STAB2: variants seen among roughly 807,000 people sequenced by gnomAD.
STAB2 encodes the protein stabilin-2.
In STAB2, 288 loss-of-function variants were observed where a neutral mutation model predicts 338.1. The ratio of observed to expected loss-of-function variants is 0.85; its 90% CI spans 0.77 to 0.94. The LOEUF (loss-of-function observed/expected upper bound fraction) is 0.94, where lower values mean the gene tolerates loss of function less well. STAB2 is among the 40% of genes least tolerant of loss of function. The probability of loss-of-function intolerance (pLI) is 0.00; values close to 1 mark genes in which losing one functional copy is unlikely to be tolerated. For missense variants in STAB2, 3,141 were observed against 3,210.1 expected, an observed-to-expected ratio of 0.98 and a Z score of 0.52; for synonymous variants, 1,202 against 1,193.3, an observed-to-expected ratio of 1.01 and a Z score of -0.15.
intron 53 of STAB2, among the ~76,000 whole-genome samples, chr12:103,738,790 T>C (rs1353795773): frequency 6.6e-6 from 1 of 152,240 alleles, no homozygotes; most frequent in Non-Finnish European, 1.5e-5. Context: ...TAACTTAAAA[T>C]GGAACTAACA....
chr12:103,632,837 G>A (rs1957485056), intron 6 of STAB2, among the ~76,000 whole-genome samples: 1 of 152,248 alleles, frequency 6.6e-6, no homozygotes, highest in African/African-American at 2.4e-5. Context: ...CAGGATGGCA[G>A]AGCCGGGGAG....
chr12:103,733,591 A>G (rs769176159), intron 51 of STAB2, among the ~76,000 whole-genome samples: 6 of 152,198 alleles, frequency 3.9e-5, no homozygotes, highest in African/African-American at 1.2e-4. Context: ...GCTTCAATCA[A>G]TTGTGGCCCC....
intron 59 of STAB2, among the ~76,000 whole-genome samples, chr12:103,749,841 C>CAAAAAAAG (rs1883452363): frequency 2.0e-5 from 1 of 51,132 alleles, no homozygotes; most frequent in Admixed American, 3.3e-4. Context: ...CTCTGTCTCA[C>CAAAAAAAG]AAAAAAAAAA....
Position 103,683,171 on chromosome 12 carries a change from A to G in STAB2, c.2806-34A>G, listed in dbSNP as rs369633982. On this transcript the variant is annotated intron_variant, in intron 25 of 68. Transcript: ENST00000388887. ...AAAGACATGGAAGGCACTTGCTTTC[A>G]ATAATCCACTTGACTCTGTTCTTAA... The G allele has an allele frequency of 4.4e-6, 7 of 1,593,268 alleles. No individual in the cohort carries two copies. In the African/African-American group the frequency reaches 8.1e-5, roughly 18 times the overall value.
At chr12:103,593,659 C>T (rs977790657) in intron 2 of STAB2, among the ~76,000 whole-genome samples, 1 of 152,144 alleles carries the variant, frequency 6.6e-6, no homozygotes, top group African/African-American at 2.4e-5. Flanking sequence ...TTTGAGAGGA[C>T]AACCTTGAAT....
At chr12:103,681,474 C>T (rs1876892400) in intron 25 of STAB2, among the ~76,000 whole-genome samples, 1 of 152,070 alleles carries the variant, frequency 6.6e-6, no homozygotes, top group African/African-American at 2.4e-5. Context: ...GAAGCTGTTC[C>T]ATGCCTCTCT....
At chr12:103,723,667 C>A (rs951910666) in intron 44 of STAB2, among the ~76,000 whole-genome samples, 2 of 152,150 alleles carry the variant, frequency 1.3e-5, no homozygotes, top group African/African-American at 4.8e-5. Context: ...GCCCGGCAGA[C>A]CCAGAGAAGT....
At position 103,758,250 on chromosome 12, in the gene STAB2, C is replaced by T; in HGVS notation, c.7068C>T (p.Thr2356=). ...TGACTGACCTGTCCATCCGCGGCACCCTCTTTGTGCCACAGAACAGTGGGC... is the reference window on the plus strand; with the variant it reads ...TGACTGACCTGTCCATCCGCGGCACTCTCTTTGTGCCACAGAACAGTGGGC... ...EHLTDLSIRG[T]LFVPQNSGLG... The change falls in exon 64 of 69, where the codon ACC becomes ACT. Residue 2356 remains threonine, a synonymous_variant. Coordinates refer to ENST00000388887, the MANE Select transcript of STAB2 (RefSeq NM_017564.10). 1 of 1,614,054 alleles carries T rather than the reference C, an allele frequency of 6.2e-7. No homozygotes were observed. Among genetic ancestry groups the T allele is most frequent in the African/African-American group, 1.3e-5 (1 of 75,052 alleles).
At chr12:103,647,659 G>A (rs1416993498) in intron 9 of STAB2, among the ~76,000 whole-genome samples, 3 of 152,330 alleles carry the variant, frequency 2.0e-5, no homozygotes, top group African/African-American at 2.4e-5. Context: ...AAGAGGGTTA[G>A]CATCATCTTA....
At chr12:103,673,621 T>C (rs1388580087) in intron 22 of STAB2, among the ~76,000 whole-genome samples, 1 of 152,166 alleles carries the variant, frequency 6.6e-6, no homozygotes, top group Admixed American at 6.5e-5. Flanking sequence ...TGTGCTGGGA[T>C]TACAGGCATG....
chr12:103,750,452 C>G, intron 59 of STAB2, 127 bp from the exon 60 acceptor site: 1 of 1,201,148 alleles, frequency 8.3e-7, no homozygotes, highest in Non-Finnish European at 1.2e-6. Flanking sequence ...TCCCACTGGA[C>G]AGGAAAGGCA....
chr12:103,607,255 C>A (rs532610792), intron 3 of STAB2, among the ~76,000 whole-genome samples: 2 of 151,840 alleles, frequency 1.3e-5, no homozygotes, highest in Non-Finnish European at 2.9e-5. Context: ...TTTCTCCCTT[C>A]CTCCTTTTCA....
intron 10 of STAB2, 150 bp from the exon 11 acceptor site, chr12:103,650,346 C>T (rs921794611): frequency 3.0e-5 from 17 of 559,466 alleles, no homozygotes; most frequent in Non-Finnish European, 4.9e-5. Flanking sequence ...AGAGAGATTC[C>T]CAGTTGACAC....
At chr12:103,630,472 A>G (rs1377487343) in intron 5 of STAB2, among the ~76,000 whole-genome samples, 2 of 152,224 alleles carry the variant, frequency 1.3e-5, no homozygotes, top group African/African-American at 4.8e-5. Flanking sequence ...AGCCCCCAAA[A>G]TGTCCTAATC....
intron 1 of STAB2, 81 bp downstream of exon 1, chr12:103,587,638 T>C: frequency 8.5e-7 from 1 of 1,177,974 alleles, no homozygotes; most frequent in Non-Finnish European, 1.2e-6. Context: ...TCTGTTGTTA[T>C]GGGTAAAGGG....
At chr12:103,758,314 G>A in intron 64 of STAB2, 25 bp downstream of exon 64, 1 of 1,610,700 alleles carries the variant, frequency 6.2e-7, no homozygotes, top group African/African-American at 1.3e-5. Flanking sequence ...TGGTGCCTTT[G>A]CTTTAGACTA....
At position 103,705,558 on chromosome 12, in the gene STAB2, C is replaced by T. The variant is rs187090826; in HGVS notation, c.3901-74C>T. ...AGTCAGAGAGACAGCAATGCATCACCCACCTACTTGCTTTCGGAGACTGGA... is the reference window on the plus strand; with the variant it reads ...AGTCAGAGAGACAGCAATGCATCACTCACCTACTTGCTTTCGGAGACTGGA... On this transcript the variant is annotated intron_variant, in intron 36 of 68. Coordinates refer to ENST00000388887, the MANE Select transcript of STAB2 (RefSeq NM_017564.10). The T allele has an allele frequency of 2.5e-5, 31 of 1,252,092 alleles. No individual in the cohort carries two copies. The East Asian group carries it at 7.2e-4, about 29-fold the overall frequency. 77.6% of individuals were successfully genotyped at this position (1,252,092 alleles called of 1,614,324 possible).
chr12:103,742,392 T>G lies in STAB2; in HGVS notation c.5882-13T>G. ...GGGAGACTGTTGAGTCACTGCTGTTTCATCTCTTCCAGCCTGCCCTGGAGG... is the reference window on the plus strand; with the variant it reads ...GGGAGACTGTTGAGTCACTGCTGTTGCATCTCTTCCAGCCTGCCCTGGAGG... On this transcript the variant is annotated splice_polypyrimidine_tract_variant and intron_variant, in intron 55 of 68. Transcript: ENST00000388887. The G allele has an allele frequency of 2.5e-6, 4 of 1,613,670 alleles. No individual in the cohort carries two copies. Among genetic ancestry groups the G allele is most frequent in the Non-Finnish European group, 3.4e-6 (4 of 1,179,746 alleles).
In STAB2 at chr12:103,636,164, A is replaced by C. The variant is rs1403107021; in HGVS notation, c.584-947A>C. On this transcript the variant is annotated intron_variant, in intron 6 of 68. Coordinates refer to ENST00000388887, the MANE Select transcript of STAB2 (RefSeq NM_017564.10). ...TGCACCCATTAACTCGTCATTTAGCATTAGGTGTATCTCCTAATGCTATCC... is the reference window on the plus strand; with the variant it reads ...TGCACCCATTAACTCGTCATTTAGCCTTAGGTGTATCTCCTAATGCTATCC... Among the ~76,000 whole-genome samples the C allele has an allele frequency of 2.0e-5, 3 of 151,504 alleles. No homozygotes were observed. In the East Asian group the frequency reaches 5.9e-4, roughly 30 times the overall value.
Sources: allele counts gnomAD v4.1 joint callset (sites outside exome capture counted in the v4.1 genomes callset), GRCh38; gene constraint gnomAD v4.1.1; transcripts MANE v1.5; gene names NCBI Gene and HGNC (gene_info 2026-07-23, HGNC 2026-07-21).